The following SNTG1 variants were observed in gnomAD, a reference collection of about 807,000 sequenced individuals.
SNTG1 encodes the protein gamma-1-syntrophin.
Under a neutral mutation model 74.7 loss-of-function variants are expected in SNTG1, and 39 were observed. That is an observed-to-expected ratio of 0.52 (90% confidence interval 0.40 to 0.68). The LOEUF (loss-of-function observed/expected upper bound fraction) is 0.68. SNTG1 is among the 30% of genes least tolerant of loss of function. The pLI is 0.00. For synonymous variants in SNTG1, 254 were observed against 217.1 expected (o/e 1.17, Z -1.49); for missense variants, 685 against 609.5 (o/e 1.12, Z -1.30).
intron 8 of SNTG1, among the ~76,000 whole-genome samples, chr8:50,485,147 T>G (rs189432452): frequency 2.0e-5 from 3 of 152,184 alleles, no homozygotes; most frequent in African/African-American, 7.2e-5. Flanking sequence ...CTCTGAGATA[T>G]GACCAAGAGG....
intron 12 of SNTG1, 106 bp downstream of exon 12, chr8:50,553,285 G>A (rs2094437859): frequency 4.3e-6 from 6 of 1,408,254 alleles, no homozygotes; most frequent in Non-Finnish European, 5.8e-6. Context: ...TTCTCAGAAT[G>A]AGACATTCAT....
At chr8:50,172,256 T>C (rs1430751111) in intron 1 of SNTG1, among the ~76,000 whole-genome samples, 2 of 152,224 alleles carry the variant, frequency 1.3e-5, no homozygotes, top group African/African-American at 4.8e-5. Flanking sequence ...TGCTACCTAC[T>C]GGCAAATGAA....
intron 8 of SNTG1, among the ~76,000 whole-genome samples, chr8:50,480,271 C>CTTTTTTTTTTTT (rs1371936659): frequency 6.6e-6 from 1 of 151,294 alleles, no homozygotes; most frequent in East Asian, 1.9e-4. Flanking sequence ...TCGTCTTTTT[C>CTTTTTTTTTTTT]TTTTTTGAGA....
intron 1 of SNTG1, among the ~76,000 whole-genome samples, chr8:50,131,342 A>T (rs2081310847): frequency 6.6e-6 from 1 of 152,152 alleles, no homozygotes; most frequent in African/African-American, 2.4e-5. Flanking sequence ...ATTGAAAAAT[A>T]AAAATTGTAT....
chr8:50,559,501 C>A (rs2094474807), intron 12 of SNTG1, among the ~76,000 whole-genome samples: 2 of 152,008 alleles, frequency 1.3e-5, no homozygotes, highest in South Asian at 4.2e-4. Context: ...AGTAAGCATA[C>A]AGTAAGATGA....
intron 2 of SNTG1, among the ~76,000 whole-genome samples, chr8:50,286,068 G>GT (rs887621584): frequency 1.6e-4 from 25 of 151,870 alleles, no homozygotes; most frequent in African/African-American, 5.3e-4. Context: ...ATGTTTTGGC[G>GT]TTTTTTCTCA....
chr8:50,552,170 A>T (rs960727248), intron 11 of SNTG1, among the ~76,000 whole-genome samples: 1 of 152,208 alleles, frequency 6.6e-6, no homozygotes, highest in Non-Finnish European at 1.5e-5. Flanking sequence ...TTGCACAATG[A>T]AGTAATTCTT....
At chr8:50,319,759 T>C (rs1201586972) in intron 2 of SNTG1, among the ~76,000 whole-genome samples, 1 of 152,220 alleles carries the variant, frequency 6.6e-6, no homozygotes, top group Non-Finnish European at 1.5e-5. Context: ...TATCAAATGC[T>C]TTTTCACCAT....
intron 8 of SNTG1, among the ~76,000 whole-genome samples, chr8:50,489,182 G>T (rs1000113590): frequency 5.9e-5 from 9 of 152,156 alleles, no homozygotes; most frequent in Non-Finnish European, 1.2e-4. Flanking sequence ...TATCATTGAT[G>T]GACATTTGGG....
In SNTG1 at chr8:50,629,299, GAATA is replaced by G. The variant is rs2094979380; in HGVS notation, c.850-27609_850-27606del. Among the ~76,000 whole-genome samples, 3 of 151,564 alleles carry G rather than the reference GAATA, an allele frequency of 2.0e-5. No homozygotes were observed. The South Asian group carries it at 6.3e-4, about 32-fold the overall frequency. On this transcript the variant is annotated intron_variant, in intron 13 of 18. Transcript: ENST00000642720. ...ATTTTTTATTGCAATATTTTCTGTT[GAATA>G]TTTTTTTGTTTTGAAATAATATTTT...
At chr8:50,643,656 G>T (rs774198274) in intron 13 of SNTG1, among the ~76,000 whole-genome samples, 2 of 152,168 alleles carry the variant, frequency 1.3e-5, no homozygotes, top group Non-Finnish European at 2.9e-5. Flanking sequence ...ATTTGATTAA[G>T]ATTCCTCTTA....
chr8:50,498,770 G>C (rs185111231), intron 8 of SNTG1, among the ~76,000 whole-genome samples: 1 of 151,752 alleles, frequency 6.6e-6, no homozygotes, highest in Non-Finnish European at 1.5e-5. Context: ...TTAGTATGTC[G>C]TGTAAGGTAT....
intron 8 of SNTG1, among the ~76,000 whole-genome samples, chr8:50,459,609 T>C (rs2093541682): frequency 6.6e-6 from 1 of 152,128 alleles, no homozygotes; most frequent in Non-Finnish European, 1.5e-5. Context: ...GTTTTGGGTA[T>C]GAAAGACCCG....
intron 2 of SNTG1, among the ~76,000 whole-genome samples, chr8:50,249,035 T>C (rs951804837): frequency 1.3e-5 from 2 of 152,128 alleles, no homozygotes; most frequent in Non-Finnish European, 2.9e-5. Flanking sequence ...TGGAGCATGG[T>C]ACCCTGTATC....
chr8:49,912,742 C>T (rs1299016549), intron 1 of SNTG1, among the ~76,000 whole-genome samples: 3 of 152,194 alleles, frequency 2.0e-5, no homozygotes, highest in African/African-American at 7.2e-5. Flanking sequence ...AGTATACCTA[C>T]ACCTGTAGGA....
chr8:50,012,792 G>A (rs1815934732), intron 1 of SNTG1, among the ~76,000 whole-genome samples: 1 of 152,088 alleles, frequency 6.6e-6, no homozygotes, highest in South Asian at 2.1e-4. Flanking sequence ...AAAGTAAATG[G>A]GTTTAGGATG....
At chr8:50,045,371 C>G (rs931347850) in intron 1 of SNTG1, among the ~76,000 whole-genome samples, 1 of 152,134 alleles carries the variant, frequency 6.6e-6, no homozygotes, top group African/African-American at 2.4e-5. Context: ...CTCAGAGTAG[C>G]AGCAAGAGCC....
At chr8:50,474,533 C>T (rs1440214686) in intron 8 of SNTG1, among the ~76,000 whole-genome samples, 18 of 152,082 alleles carry the variant, frequency 1.2e-4, no homozygotes, top group African/African-American at 4.3e-4. Context: ...TGAGATACCA[C>T]CTCACACCAG....
intron 1 of SNTG1, among the ~76,000 whole-genome samples, chr8:50,134,598 A>G (rs1289113773): frequency 6.6e-6 from 1 of 152,188 alleles, no homozygotes; most frequent in Non-Finnish European, 1.5e-5. Flanking sequence ...TTCTGTGATG[A>G]CAGGGAAAGA....
Sources: gnomAD v4.1 joint callset for allele counts (sites outside exome capture counted in the v4.1 genomes callset) on GRCh38, gnomAD v4.1.1 for gene constraint, MANE v1.5 for transcripts, NCBI Gene and HGNC (gene_info 2026-07-23, HGNC 2026-07-21) for gene names.